The following LRBA variants were observed in gnomAD, a reference collection of about 807,000 sequenced individuals.
LRBA encodes the protein LPS responsive beige-like anchor protein.
LRBA carries 176 observed loss-of-function variants against 330.0 expected under a neutral mutation model. The ratio of observed to expected loss-of-function variants is 0.53; its 90% CI spans 0.47 to 0.60. LRBA has a LOEUF of 0.60. Ranked by LOEUF, LRBA falls within the 20% of genes least tolerant of loss-of-function variation. The pLI is 0.00. For missense variants in LRBA, 3,259 were observed against 3,444.8 expected (o/e 0.95, Z 1.35); for synonymous variants, 1,230 against 1,193.0 (o/e 1.03, Z -0.64).
chr4:150,331,917 G>T (rs1198317687), intron 48 of LRBA, among the ~76,000 whole-genome samples: 6 of 152,076 alleles, frequency 3.9e-5, no homozygotes, highest in Non-Finnish European at 8.8e-5. Flanking sequence ...TCTGGGCAAG[G>T]TACTTAACCT....
intron 2 of LRBA, among the ~76,000 whole-genome samples, chr4:150,984,999 C>T (rs1422711632): frequency 1.3e-5 from 2 of 152,000 alleles, no homozygotes; most frequent in East Asian, 1.9e-4. Context: ...GGCTCATGCC[C>T]GTAATCCCAG....
chr4:150,831,368 G>C (rs1435791276), intron 29 of LRBA, among the ~76,000 whole-genome samples: 1 of 152,028 alleles, frequency 6.6e-6, no homozygotes, highest in African/African-American at 2.4e-5. Flanking sequence ...AGTAGATATT[G>C]AATGAATATC....
chr4:150,639,319 C>T (rs1778258288), intron 37 of LRBA, among the ~76,000 whole-genome samples: 1 of 130,478 alleles, frequency 7.7e-6, no homozygotes, highest in South Asian at 2.4e-4. Flanking sequence ...ATGTAACTAA[C>T]CTGCACAATG....
chr4:150,935,056 G>A (rs1255749320), intron 2 of LRBA, among the ~76,000 whole-genome samples: 3 of 150,170 alleles, frequency 2.0e-5, no homozygotes, highest in Non-Finnish European at 4.4e-5. Flanking sequence ...CATGTCTGTG[G>A]TTCCAGCTAC....
chr4:150,360,689 G>A (rs1738563779), intron 47 of LRBA, among the ~76,000 whole-genome samples: 1 of 152,182 alleles, frequency 6.6e-6, no homozygotes, highest in South Asian at 2.1e-4. Context: ...GTAACTGCCA[G>A]ACTAAAATGA....
intron 44 of LRBA, among the ~76,000 whole-genome samples, chr4:150,465,813 T>C (rs1755376861): frequency 6.6e-6 from 1 of 152,028 alleles, no homozygotes; most frequent in Non-Finnish European, 1.5e-5. Context: ...AGTAAGTAGA[T>C]ATAGAAACTG....
At chr4:150,468,804 C>CT (rs1461374629) in intron 43 of LRBA, among the ~76,000 whole-genome samples, 1 of 151,840 alleles carries the variant, frequency 6.6e-6, no homozygotes, top group Non-Finnish European at 1.5e-5. Context: ...TGTACATACT[C>CT]TTGGTATCTA....
chr4:150,920,907 C>T (rs1733182514), intron 5 of LRBA, among the ~76,000 whole-genome samples: 3 of 152,138 alleles, frequency 2.0e-5, no homozygotes, highest in African/African-American at 7.2e-5. Context: ...GAAGGTGTTA[C>T]ACACAAATAG....
intron 2 of LRBA, among the ~76,000 whole-genome samples, chr4:150,936,902 A>C (rs1221290475): frequency 1.3e-5 from 2 of 152,052 alleles, no homozygotes; most frequent in Non-Finnish European, 1.5e-5. Flanking sequence ...CATATCCTCC[A>C]TGCGATCTAA....
intron 8 of LRBA, among the ~76,000 whole-genome samples, 180 bp from the exon 9 acceptor site, chr4:150,914,521 G>T (rs1732366513): frequency 6.6e-6 from 1 of 151,946 alleles, no homozygotes; most frequent in Admixed American, 6.6e-5. Flanking sequence ...TGACATTAGG[G>T]GATATAGAAA....
At chr4:150,377,253 G>A (rs1392218892) in intron 47 of LRBA, among the ~76,000 whole-genome samples, 1 of 151,328 alleles carries the variant, frequency 6.6e-6, no homozygotes, top group Non-Finnish European at 1.5e-5. Flanking sequence ...GGATTTAAAA[G>A]TATAAGCAAG....
rs567582644 is a variant in LRBA at position 150,963,579 on chromosome 4, G to A, written c.217-34514C>T. 4.5e-4 allele frequency among the ~76,000 whole-genome samples: 67 copies of A among 149,764 alleles called. 11 individuals are homozygous for A. Among genetic ancestry groups the A allele is most frequent in the African/African-American group, 1.4e-3 (56 of 39,094 alleles). ...GCCTGCCTTGGCCTCCCAAAGTGCC[G>A]AGATTGCAGCCTCTGCCCGGCTGCC... is the stretch of plus-strand genomic sequence containing the variant. On this transcript the variant is annotated intron_variant, in intron 2 of 56. Coordinates refer to ENST00000651943, the MANE Select transcript of LRBA (RefSeq NM_001364905.1).
At chr4:150,781,940 G>C (rs963322228) in intron 34 of LRBA, among the ~76,000 whole-genome samples, 25 of 152,018 alleles carry the variant, frequency 1.6e-4, no homozygotes, top group African/African-American at 6.0e-4. Context: ...ACAGGGTCTT[G>C]TTCTGTCACT....
chr4:150,837,918 A>C (rs1178885633), intron 28 of LRBA, among the ~76,000 whole-genome samples: 1 of 152,198 alleles, frequency 6.6e-6, no homozygotes, highest in Admixed American at 6.5e-5. Context: ...ATGTTTTTGC[A>C]GTGGCTGGTA....
chr4:150,848,988 T>C lies in LRBA; in HGVS notation c.4169A>G (p.Glu1390Gly). Reference sequence around the variant, plus strand: ...AAGGCCTTGAGTAGGTTCAATATTTTCCAGTTCATGCTGTAAAGAATAAAG... The same window carrying C: ...AAGGCCTTGAGTAGGTTCAATATTTCCCAGTTCATGCTGTAAAGAATAAAG... ...SAATSATHEL[E>G]NIEPTQGLSI... The change falls in exon 26 of 57, where the codon GAA (glutamate) becomes GGA (glycine). Residue 1390 changes from glutamate to glycine, a missense_variant. By Grantham distance (98) the Glu-to-Gly change is moderately conservative. Coordinates refer to ENST00000651943, the MANE Select transcript of LRBA (RefSeq NM_001364905.1). 3 of 1,591,768 alleles carry C rather than the reference T, an allele frequency of 1.9e-6. No individual in the cohort carries two copies. The highest frequency in any genetic ancestry group is 2.6e-6 in the Non-Finnish European group (3 of 1,172,466).
chr4:150,411,822 C>A (rs1456469477), intron 47 of LRBA, among the ~76,000 whole-genome samples: 1 of 152,088 alleles, frequency 6.6e-6, no homozygotes, highest in Non-Finnish European at 1.5e-5. Flanking sequence ...GGTCACAGAT[C>A]AAAGTAGTAT....
intron 4 of LRBA, among the ~76,000 whole-genome samples, chr4:150,925,727 G>T (rs2149502775): frequency 6.6e-6 from 1 of 152,102 alleles, no homozygotes; most frequent in African/African-American, 2.4e-5. Context: ...CATATTATTT[G>T]CTATTTTCTT....
chr4:150,569,629 T>C (rs1218137845), intron 40 of LRBA, among the ~76,000 whole-genome samples: 4 of 152,186 alleles, frequency 2.6e-5, no homozygotes, highest in Non-Finnish European at 5.9e-5. Flanking sequence ...GCCTCAATTC[T>C]GCTTCATCAG....
At chr4:150,474,064 A>T (rs1029005157) in intron 42 of LRBA, among the ~76,000 whole-genome samples, 1 of 152,144 alleles carries the variant, frequency 6.6e-6, no homozygotes, top group South Asian at 2.1e-4. Context: ...CCAACATCAG[A>T]AAGTTTTTCT....
Sources: allele counts gnomAD v4.1 joint callset (sites outside exome capture counted in the v4.1 genomes callset), GRCh38; gene constraint gnomAD v4.1.1; transcripts MANE v1.5; gene names NCBI Gene and HGNC (gene_info 2026-07-23, HGNC 2026-07-21).